The following ZBTB20 variants were observed in gnomAD, a reference collection of about 807,000 sequenced individuals.
ZBTB20 encodes the protein zinc finger and BTB domain-containing protein 20.
Under a neutral mutation model 56.9 loss-of-function variants are expected in ZBTB20, and 9 were observed. The ratio of observed to expected loss-of-function variants is 0.16; its 90% CI spans 0.10 to 0.28. ZBTB20 has a LOEUF of 0.28. Among genes scored for constraint, ZBTB20 ranks in the 10% least tolerant of loss-of-function variants. The pLI is 1.00. For missense variants in ZBTB20, 655 were observed against 1,003.0 expected (o/e 0.65, Z 4.69); for synonymous variants, 417 against 420.7 (o/e 0.99, Z 0.11).
intron 5 of ZBTB20, among the ~76,000 whole-genome samples, chr3:114,769,262 A>G (rs2069000969): frequency 6.6e-6 from 1 of 152,058 alleles, no homozygotes; most frequent in Admixed American, 6.6e-5. Flanking sequence ...CAAATCACTT[A>G]TAATTGCTAC....
chr3:114,752,091 T>C (rs1037210576), intron 5 of ZBTB20, among the ~76,000 whole-genome samples: 4 of 152,188 alleles, frequency 2.6e-5, no homozygotes, highest in African/African-American at 2.4e-5. Context: ...TTTACATGTA[T>C]TATCTTATTA....
At chr3:114,668,729 C>A (rs2061195269) in intron 6 of ZBTB20, among the ~76,000 whole-genome samples, 1 of 151,932 alleles carries the variant, frequency 6.6e-6, no homozygotes, top group South Asian at 2.1e-4. Context: ...GTCTGCCTTT[C>A]AGAAAGATCA....
At chr3:114,904,066 C>T (rs958071091) in intron 3 of ZBTB20, among the ~76,000 whole-genome samples, 7 of 152,020 alleles carry the variant, frequency 4.6e-5, no homozygotes, top group African/African-American at 1.7e-4. Context: ...GTTTCACTCG[C>T]ATTGGGTGAA....
intron 10 of ZBTB20, among the ~76,000 whole-genome samples, chr3:114,378,476 G>A (rs754340128): frequency 6.6e-6 from 1 of 152,180 alleles, no homozygotes; most frequent in Non-Finnish European, 1.5e-5. Flanking sequence ...CCATACTCAC[G>A]CTGTTCCTGA....
At chr3:114,914,432 C>A (rs1399829977) in intron 3 of ZBTB20, among the ~76,000 whole-genome samples, 2 of 152,002 alleles carry the variant, frequency 1.3e-5, no homozygotes, top group Admixed American at 6.6e-5. Flanking sequence ...TTGTATCCTG[C>A]AAATTTACTG....
chr3:114,504,571 A>T (rs1027053097), intron 6 of ZBTB20, among the ~76,000 whole-genome samples: 2 of 152,226 alleles, frequency 1.3e-5, no homozygotes, highest in African/African-American at 4.8e-5. Context: ...TCCTCATGGA[A>T]CTTCCGGTTG....
chr3:114,918,772 C>A (rs1372083818), intron 3 of ZBTB20, among the ~76,000 whole-genome samples: 1 of 152,232 alleles, frequency 6.6e-6, no homozygotes, highest in Non-Finnish European at 1.5e-5. Context: ...CTTCACTCCT[C>A]TCCTCAAGTG....
At chr3:114,397,326 G>T (rs897172651) in intron 7 of ZBTB20, among the ~76,000 whole-genome samples, 1 of 126,278 alleles carries the variant, frequency 7.9e-6, no homozygotes, top group Non-Finnish European at 1.8e-5. Flanking sequence ...TGATGAGCTA[G>T]CATCCTAGTT....
chr3:114,938,975 T>C (rs1260643524), intron 3 of ZBTB20, among the ~76,000 whole-genome samples: 1 of 145,134 alleles, frequency 6.9e-6, no homozygotes, highest in African/African-American at 2.9e-5. Flanking sequence ...AAGAATCTAG[T>C]ATTGGGCAGA....
At chr3:114,757,096 C>T (rs2108679044) in intron 5 of ZBTB20, among the ~76,000 whole-genome samples, 1 of 152,248 alleles carries the variant, frequency 6.6e-6, no homozygotes, top group East Asian at 1.9e-4. Context: ...TCTTGCAACT[C>T]ATTTGTAGAC....
At chr3:114,525,019 T>C (rs1270109313) in intron 6 of ZBTB20, among the ~76,000 whole-genome samples, 1 of 152,166 alleles carries the variant, frequency 6.6e-6, no homozygotes, top group Non-Finnish European at 1.5e-5. Context: ...TGGCCTCCAA[T>C]TTTGAATACT....
At chr3:115,029,746 ATGGTT>A (rs1376358529) in intron 2 of ZBTB20, among the ~76,000 whole-genome samples, 3 of 150,890 alleles carry the variant, frequency 2.0e-5, no homozygotes, top group Non-Finnish European at 3.0e-5. Flanking sequence ...AAAATTCCAG[ATGGTT>A]TGAAGAGTTA....
chr3:114,861,674 A>C (rs2075534293), intron 4 of ZBTB20: 1 of 81,620 alleles, frequency 1.2e-5, no homozygotes, highest in Non-Finnish European at 3.0e-5. Context: ...CTGACAAGAC[A>C]CACACCACAC....
At chr3:114,653,813 A>AT (rs2060255582) in intron 6 of ZBTB20, among the ~76,000 whole-genome samples, 1 of 151,914 alleles carries the variant, frequency 6.6e-6, no homozygotes, top group Non-Finnish European at 1.5e-5. Flanking sequence ...ATAAAGGAAT[A>AT]TTTTGATTTC....
intron 5 of ZBTB20, among the ~76,000 whole-genome samples, chr3:114,707,578 T>A (rs552730567): frequency 4.7e-4 from 71 of 152,272 alleles, no homozygotes; most frequent in Middle Eastern, 3.4e-3. Flanking sequence ...GTTTTGAAAA[T>A]GTCGGGAACT....
intron 6 of ZBTB20, among the ~76,000 whole-genome samples, chr3:114,563,573 T>C (rs2052360504): frequency 2.0e-5 from 3 of 152,168 alleles, no homozygotes; most frequent in Non-Finnish European, 4.4e-5. Flanking sequence ...ACTTACCTTA[T>C]TAAGTTAACT....
chr3:114,948,379 T>C (rs2076954712), intron 3 of ZBTB20, among the ~76,000 whole-genome samples: 1 of 146,178 alleles, frequency 6.8e-6, no homozygotes, highest in South Asian at 2.1e-4. Context: ...ACAAATGTTA[T>C]ACTAGTGGTC....
In ZBTB20 at chr3:114,962,657, T is replaced by C. The variant is rs926877222; in HGVS notation, c.-456+11709A>G. On this transcript the variant is annotated intron_variant, in intron 3 of 11. Transcript: ENST00000675478. Reference sequence around the variant, plus strand: ...TTTAGATTGCACCCAAGAAGGAGATTATTAAATAGTAGCAGGAGACCAGTT... The same window carrying C: ...TTTAGATTGCACCCAAGAAGGAGATCATTAAATAGTAGCAGGAGACCAGTT... Among the ~76,000 whole-genome samples, 57 of 152,140 alleles carry C rather than the reference T, an allele frequency of 3.7e-4. 1 individual carries two copies. The highest frequency in any genetic ancestry group is 1.4e-3 in the African/African-American group (57 of 41,454).
intron 4 of ZBTB20, among the ~76,000 whole-genome samples, chr3:114,839,455 GAA>G (rs1167861275): frequency 2.3e-4 from 35 of 150,898 alleles, no homozygotes; most frequent in African/African-American, 7.8e-4. Context: ...AAGAAAGAAA[GAA>G]AGAAAGAAAG....
Sources: gnomAD v4.1 joint callset for allele counts (sites outside exome capture counted in the v4.1 genomes callset) on GRCh38, gnomAD v4.1.1 for gene constraint, MANE v1.5 for transcripts, NCBI Gene and HGNC (gene_info 2026-07-23, HGNC 2026-07-21) for gene names.